The following EEPD1 variants were observed in gnomAD, a reference collection of about 807,000 sequenced individuals.
The protein encoded by EEPD1 is endonuclease/exonuclease/phosphatase family domain containing 1.
EEPD1 carries 17 observed loss-of-function variants against 46.3 expected under a neutral mutation model. The ratio of observed to expected loss-of-function variants is 0.37; its 90% CI spans 0.25 to 0.55. The LOEUF (loss-of-function observed/expected upper bound fraction) is 0.55, where lower values mean the gene tolerates loss of function less well. Among genes scored for constraint, EEPD1 ranks in the 20% least tolerant of loss-of-function variants. EEPD1 has a pLI of 0.83. For synonymous variants in EEPD1, 313 were observed against 315.6 expected (o/e 0.99, Z 0.09); for missense variants, 673 against 745.6 (o/e 0.90, Z 1.13).
At chr7:36,180,941 A>C (rs962466669) in intron 2 of EEPD1, among the ~76,000 whole-genome samples, 6 of 147,674 alleles carry the variant, frequency 4.1e-5, no homozygotes, top group African/African-American at 1.0e-4. Flanking sequence ...TGCCGGCTCC[A>C]GGGTGACCTG....
At chr7:36,248,396 T>C (rs1786675611) in intron 3 of EEPD1, among the ~76,000 whole-genome samples, 3 of 151,476 alleles carry the variant, frequency 2.0e-5, no homozygotes, top group African/African-American at 7.3e-5. Flanking sequence ...TAGTAGAGAG[T>C]TGGTTTCACT....
Position 36,154,369 on chromosome 7 carries a change from C to T in EEPD1, c.45C>T (p.Pro15=). ...LGCHRSIPRD[P]SDLSHSRKFS... ...GCCACCGCTCCATCCCCAGGGACCC[C>T]TCGGACCTGTCCCATAGCCGCAAGT... The change falls in exon 2 of 8, where the codon CCC becomes CCT. Residue 15 remains proline, a synonymous_variant. Coordinates refer to ENST00000242108, the MANE Select transcript of EEPD1 (RefSeq NM_030636.3). This position sits in a 1 kb window ranked among gnomAD's most constrained non-coding sequence, Gnocchi z 4.2. 6.2e-7 allele frequency: 1 copy of T among 1,613,510 alleles called. No homozygotes were observed. The highest frequency in any genetic ancestry group is 8.5e-7 in the Non-Finnish European group (1 of 1,180,032).
intron 3 of EEPD1, among the ~76,000 whole-genome samples, chr7:36,257,147 C>T (rs1051322807): frequency 2.0e-5 from 3 of 152,182 alleles, no homozygotes; most frequent in African/African-American, 7.2e-5. Flanking sequence ...TGAATATTGG[C>T]CCCCACTTTC....
chr7:36,191,920 C>A (rs879868080), intron 2 of EEPD1, among the ~76,000 whole-genome samples: 2 of 152,332 alleles, frequency 1.3e-5, no homozygotes, highest in African/African-American at 4.8e-5. Context: ...ACCCCTGCTA[C>A]ATGCCCTTAA....
At chr7:36,202,497 G>A (rs1252448793) in intron 2 of EEPD1, among the ~76,000 whole-genome samples, 3 of 152,156 alleles carry the variant, frequency 2.0e-5, no homozygotes, top group Non-Finnish European at 4.4e-5. Context: ...CTGTAGCCTG[G>A]TTCTGAGGGT....
At chr7:36,251,636 A>G (rs1396948396) in intron 3 of EEPD1, among the ~76,000 whole-genome samples, 1 of 151,968 alleles carries the variant, frequency 6.6e-6, no homozygotes, top group Non-Finnish European at 1.5e-5. Flanking sequence ...CTTAAAGGTA[A>G]ATTCTCATCC....
intron 2 of EEPD1, among the ~76,000 whole-genome samples, chr7:36,192,484 G>A (rs1400318596): frequency 6.7e-6 from 1 of 149,864 alleles, no homozygotes; most frequent in South Asian, 2.1e-4. Flanking sequence ...GTCTATTTTT[G>A]TGTGCATGTA....
In EEPD1 at chr7:36,231,687, A is replaced by G. The variant is rs933837467; in HGVS notation, c.879-7298A>G. 3.3e-5 allele frequency among the ~76,000 whole-genome samples: 5 copies of G among 152,292 alleles called. No homozygotes were observed. The East Asian group carries it at 5.8e-4, about 18-fold the overall frequency. ...CGGCAGTTTCTGAAATATAGGAGGT[A>G]TTCAGTATAAGTTTGCAGAATCAGC... On this transcript the variant is annotated intron_variant, in intron 2 of 7. Coordinates refer to ENST00000242108, the MANE Select transcript of EEPD1 (RefSeq NM_030636.3).
At chr7:36,185,655 T>G (rs1361033573) in intron 2 of EEPD1, among the ~76,000 whole-genome samples, 1 of 148,246 alleles carries the variant, frequency 6.7e-6, no homozygotes, top group Non-Finnish European at 1.5e-5. Flanking sequence ...GTTGCTACTC[T>G]AGGAAGATGC....
At chr7:36,285,406 T>C (rs959993358) in intron 5 of EEPD1, among the ~76,000 whole-genome samples, 3 of 152,150 alleles carry the variant, frequency 2.0e-5, no homozygotes, top group Non-Finnish European at 4.4e-5. Flanking sequence ...AGCTCTGGGC[T>C]GTGGGCCAGG....
chr7:36,200,666 T>G (rs1785697518), intron 2 of EEPD1, among the ~76,000 whole-genome samples: 1 of 152,172 alleles, frequency 6.6e-6, no homozygotes, highest in South Asian at 2.1e-4. Flanking sequence ...ATGGAGGGTT[T>G]GTTTGGTTTC....
Position 36,154,335 on chromosome 7 carries a change from C to T in EEPD1, c.11C>T (p.Thr4Ile), listed in dbSNP as rs1784778050. Residue 4 changes from threonine to isoleucine, a missense_variant, in exon 2 of 8, where the codon ACC becomes ATC. Coordinates refer to ENST00000242108, the MANE Select transcript of EEPD1 (RefSeq NM_030636.3). This position sits in a 1 kb window ranked among gnomAD's most constrained non-coding sequence, Gnocchi z 4.2. Reference sequence around the variant, plus strand: ...TGATCCTGGCGGACCATGGGGAGCACCCTGGGCTGCCACCGCTCCATCCCC... The same window carrying T: ...TGATCCTGGCGGACCATGGGGAGCATCCTGGGCTGCCACCGCTCCATCCCC... MGS[T>I]LGCHRSIPRD... is the part of the protein sequence containing the mutation. The T allele has an allele frequency of 6.2e-7, 1 of 1,609,364 alleles. No homozygotes were observed. The highest frequency in any genetic ancestry group is 1.1e-5 in the South Asian group (1 of 91,060).
intron 2 of EEPD1, among the ~76,000 whole-genome samples, chr7:36,183,638 A>C (rs1021641203): frequency 6.6e-6 from 1 of 152,138 alleles, no homozygotes; most frequent in African/African-American, 2.4e-5. Flanking sequence ...TAAAACACAG[A>C]TTTGTATTCC....
intron 3 of EEPD1, among the ~76,000 whole-genome samples, chr7:36,246,204 A>G (rs893861218): frequency 6.6e-6 from 1 of 152,006 alleles, no homozygotes; most frequent in Non-Finnish European, 1.5e-5. Context: ...CAGGCCACCC[A>G]CCTGGTGGCC....
intron 2 of EEPD1, among the ~76,000 whole-genome samples, chr7:36,155,885 C>T (rs1707633277): frequency 6.6e-6 from 1 of 152,108 alleles, no homozygotes. Flanking sequence ...TAGGATAGGC[C>T]GTTACCACAG....
chr7:36,280,983 G>A (rs1787251316), intron 3 of EEPD1, 132 bp from the exon 4 acceptor site: 1 of 638,228 alleles, frequency 1.6e-6, no homozygotes, highest in Non-Finnish European at 2.7e-6. Context: ...TGAAAAACAG[G>A]GATGTAGTTC....
intron 3 of EEPD1, among the ~76,000 whole-genome samples, chr7:36,266,272 T>C (rs1407819262): frequency 6.6e-6 from 1 of 152,186 alleles, no homozygotes. Flanking sequence ...CCTAAAACTG[T>C]CTTTTTTTGC....
chr7:36,272,260 G>A (rs1787120139), intron 3 of EEPD1, among the ~76,000 whole-genome samples: 1 of 152,096 alleles, frequency 6.6e-6, no homozygotes, highest in African/African-American at 2.4e-5. Context: ...AAGAGTCTTA[G>A]CATCCAAAGA....
intron 3 of EEPD1, among the ~76,000 whole-genome samples, chr7:36,251,989 C>T (rs1786745701): frequency 6.6e-6 from 1 of 152,132 alleles, no homozygotes; most frequent in Non-Finnish European, 1.5e-5. Flanking sequence ...GGAAATCAAT[C>T]CTGCTCGGAG....
Sources: gnomAD v4.1 joint callset for allele counts (sites outside exome capture counted in the v4.1 genomes callset) on GRCh38, gnomAD v4.1.1 for gene constraint, Gnocchi (gnomAD v3.1) non-coding constraint, MANE v1.5 for transcripts, NCBI Gene and HGNC (gene_info 2026-07-23, HGNC 2026-07-21) for gene names.